Variants in TMEM132C observed in about 807,000 individuals in gnomAD.
TMEM132C encodes protein phosphatase 1, regulatory subunit 152.
Under a neutral mutation model 61.4 loss-of-function variants are expected in TMEM132C, and 29 were observed. The observed-to-expected ratio is 0.47, with a 90% CI of 0.35 to 0.64. The LOEUF (loss-of-function observed/expected upper bound fraction) is 0.64. Among genes scored for constraint, TMEM132C ranks in the 30% least tolerant of loss-of-function variants. The probability of loss-of-function intolerance (pLI) is 0.00; values close to 1 mark genes in which losing one functional copy is unlikely to be tolerated. For synonymous variants in TMEM132C, 656 were observed against 633.1 expected, an observed-to-expected ratio of 1.04 and a Z score of -0.54; for missense variants, 1,408 against 1,476.9, an observed-to-expected ratio of 0.95 and a Z score of 0.76.
At chr12:128,285,514 G>T (rs1296665052) in intron 1 of TMEM132C, among the ~76,000 whole-genome samples, 2 of 152,170 alleles carry the variant, frequency 1.3e-5, no homozygotes, top group Admixed American at 1.3e-4. Context: ...GTTAACACCA[G>T]TGTAGGCAGC....
chr12:128,560,411 T>A (rs1874470308), intron 3 of TMEM132C, among the ~76,000 whole-genome samples: 1 of 152,182 alleles, frequency 6.6e-6, no homozygotes. Flanking sequence ...CACAGTGGCC[T>A]TCCAGGAGAC....
chr12:128,279,631 T>C (rs1202478757), intron 1 of TMEM132C, among the ~76,000 whole-genome samples: 1 of 152,166 alleles, frequency 6.6e-6, no homozygotes, highest in Non-Finnish European at 1.5e-5. Context: ...CCGCAGGGCC[T>C]TTGCACATGC....
intron 3 of TMEM132C, among the ~76,000 whole-genome samples, chr12:128,549,700 C>T (rs543351849): frequency 1.3e-5 from 2 of 152,234 alleles, no homozygotes; most frequent in Non-Finnish European, 2.9e-5. Context: ...AACAGGGGCA[C>T]TTGAATGAGT....
intron 1 of TMEM132C, among the ~76,000 whole-genome samples, chr12:128,329,211 C>T (rs528254056): frequency 6.6e-6 from 1 of 152,146 alleles, no homozygotes; most frequent in African/African-American, 2.4e-5. Flanking sequence ...GACCGCAATA[C>T]GGTTGAACCT....
chr12:128,445,318 G>A (rs1869940461), intron 2 of TMEM132C, among the ~76,000 whole-genome samples: 1 of 152,184 alleles, frequency 6.6e-6, no homozygotes, highest in African/African-American at 2.4e-5. Flanking sequence ...AAGAGAGGGT[G>A]CTATTTAGAA....
At chr12:128,397,651 T>C (rs1322527691) in intron 1 of TMEM132C, among the ~76,000 whole-genome samples, 2 of 152,302 alleles carry the variant, frequency 1.3e-5, no homozygotes, top group East Asian at 3.9e-4. Context: ...CTCCAAGGCC[T>C]GGGTCCCAAT....
At chr12:128,433,114 C>T (rs1217903285) in intron 2 of TMEM132C, among the ~76,000 whole-genome samples, 4 of 152,020 alleles carry the variant, frequency 2.6e-5, no homozygotes, top group Non-Finnish European at 5.9e-5. Context: ...AAATTATGTA[C>T]ATTATTTTTA....
chr12:128,598,455 G>A (rs1441051810), intron 3 of TMEM132C, among the ~76,000 whole-genome samples: 1 of 151,966 alleles, frequency 6.6e-6, no homozygotes, highest in African/African-American at 2.4e-5. Context: ...AAAAGTCAGA[G>A]GAATGAGTGT....
chr12:128,670,002 C>CT (rs912106008), intron 5 of TMEM132C, among the ~76,000 whole-genome samples: 5 of 152,138 alleles, frequency 3.3e-5, no homozygotes, highest in African/African-American at 1.2e-4. Context: ...ACATACTTAT[C>CT]TTTTTTATGT....
chr12:128,634,808 C>G (rs901730415), intron 4 of TMEM132C, among the ~76,000 whole-genome samples: 22 of 152,210 alleles, frequency 1.4e-4, no homozygotes, highest in Non-Finnish European at 2.8e-4. Flanking sequence ...AAACCAAAGA[C>G]TTTGACTCTG....
At chr12:128,482,522 A>C (rs561262963) in intron 2 of TMEM132C, among the ~76,000 whole-genome samples, 1 of 152,018 alleles carries the variant, frequency 6.6e-6, no homozygotes, top group Non-Finnish European at 1.5e-5. Flanking sequence ...CTCTTTTTCT[A>C]TTGTTTGGAA....
chr12:128,610,629 A>G (rs1876599677), intron 3 of TMEM132C, among the ~76,000 whole-genome samples: 1 of 152,208 alleles, frequency 6.6e-6, no homozygotes, highest in African/African-American at 2.4e-5. Flanking sequence ...CAACAACATC[A>G]CAAGCCCCAT....
intron 1 of TMEM132C, among the ~76,000 whole-genome samples, chr12:128,383,719 A>C (rs148740183): frequency 9.1e-4 from 139 of 152,272 alleles, no homozygotes; most frequent in Non-Finnish European, 1.6e-3. Context: ...TTTCCAGGCG[A>C]GTACTTTCCC....
intron 2 of TMEM132C, among the ~76,000 whole-genome samples, chr12:128,418,569 C>A (rs1476711212): frequency 6.6e-6 from 1 of 152,174 alleles, no homozygotes; most frequent in Admixed American, 6.5e-5. Flanking sequence ...TAAATAATTA[C>A]AGATTTGTAA....
chr12:128,408,378 C>CTGTTGG (rs1868389807), intron 1 of TMEM132C, among the ~76,000 whole-genome samples: 1 of 152,120 alleles, frequency 6.6e-6, no homozygotes, highest in Non-Finnish European at 1.5e-5. Context: ...CAAATACTTC[C>CTGTTGG]TGTTGGTGAA....
intron 3 of TMEM132C, among the ~76,000 whole-genome samples, chr12:128,614,546 C>T (rs552025979): frequency 3.3e-5 from 5 of 152,228 alleles, no homozygotes; most frequent in Non-Finnish European, 5.9e-5. Context: ...GCATTGGACT[C>T]GGAAACAGGA....
rs192251251 is a variant in TMEM132C, at chr12:128,596,809, C to A, written c.1122-19343C>A. Among the ~76,000 whole-genome samples, 332 of 148,372 alleles carry A rather than the reference C, an allele frequency of 2.2e-3. 4 individuals carry two copies. The highest frequency in any genetic ancestry group is 8.0e-3 in the African/African-American group (301 of 37,850). ...CAGCCCCAGCAGACTGAAACCCCACCACGCAGGGCTCTTCCCACTGAAGAC... is the reference window on the plus strand; with the variant it reads ...CAGCCCCAGCAGACTGAAACCCCACAACGCAGGGCTCTTCCCACTGAAGAC... On this transcript the variant is annotated intron_variant, in intron 3 of 8. Coordinates refer to ENST00000435159, the MANE Select transcript of TMEM132C (RefSeq NM_001136103.3).
chr12:128,378,424 A>AT (rs34794972), intron 1 of TMEM132C, among the ~76,000 whole-genome samples: 112,333 of 151,384 alleles, frequency 0.74, 44,087 homozygotes, highest in Non-Finnish European at 0.88. Context: ...CCAAGAGCAG[A>AT]TTTTTTTAAA....
At chr12:128,311,457 C>T (rs1871960530) in intron 1 of TMEM132C, among the ~76,000 whole-genome samples, 1 of 152,194 alleles carries the variant, frequency 6.6e-6, no homozygotes, top group Non-Finnish European at 1.5e-5. Flanking sequence ...AGGGACACAG[C>T]AGGCTCTTGT....
Sources: allele counts gnomAD v4.1 joint callset (sites outside exome capture counted in the v4.1 genomes callset), GRCh38; gene constraint gnomAD v4.1.1; transcripts MANE v1.5; gene names NCBI Gene and HGNC (gene_info 2026-07-23, HGNC 2026-07-21).